Variants in ZNF804B observed in about 807,000 individuals in gnomAD.
The protein encoded by ZNF804B is zinc finger 804B.
Under a neutral mutation model 101.4 loss-of-function variants are expected in ZNF804B, and 80 were observed. The observed-to-expected ratio is 0.79, with a 90% CI of 0.66 to 0.95. ZNF804B has a LOEUF of 0.95. Among genes scored for constraint, ZNF804B ranks in the 40% least tolerant of loss-of-function variants. The probability of loss-of-function intolerance (pLI) is 0.00; values close to 1 mark genes in which losing one functional copy is unlikely to be tolerated. For synonymous variants in ZNF804B, 622 were observed against 558.8 expected (o/e 1.11, Z -1.59); for missense variants, 1,673 against 1,561.9 (o/e 1.07, Z -1.20).
At chr7:89,299,438 T>A (rs574381580) in intron 2 of ZNF804B, among the ~76,000 whole-genome samples, 1 of 152,124 alleles carries the variant, frequency 6.6e-6, no homozygotes, top group Non-Finnish European at 1.5e-5. Context: ...TTGATGTTTA[T>A]AATGAAAATA....
At chr7:88,768,076 T>C (rs1420012485) in intron 1 of ZNF804B, among the ~76,000 whole-genome samples, 17 of 152,176 alleles carry the variant, frequency 1.1e-4, no homozygotes, top group Non-Finnish European at 2.5e-4. Context: ...TTTTACTCAA[T>C]AAATATCTGT....
intron 1 of ZNF804B, among the ~76,000 whole-genome samples, chr7:88,964,231 A>C (rs1793426281): frequency 6.6e-6 from 1 of 151,414 alleles, no homozygotes; most frequent in South Asian, 2.1e-4. Context: ...TTTTACACCA[A>C]TTTTCATAGC....
rs144717618 is a variant in ZNF804B, at chr7:88,860,191, T to G, written c.108+100107T>G. ...AAAGAAAATGCTCTTGCTCAGAGTATTACAATATAAAATATTGTAGAGGGC... is the reference window on the plus strand; with the variant it reads ...AAAGAAAATGCTCTTGCTCAGAGTAGTACAATATAAAATATTGTAGAGGGC... On this transcript the variant is annotated intron_variant, in intron 1 of 3. Transcript: ENST00000333190. 5.0e-3 allele frequency among the ~76,000 whole-genome samples: 756 copies of G among 152,148 alleles called. 11 individuals carry two copies. Among genetic ancestry groups the G allele is most frequent in the African/African-American group, 0.017 (725 of 41,572 alleles).
chr7:88,864,391 A>G (rs1332856262), intron 1 of ZNF804B, among the ~76,000 whole-genome samples: 1 of 152,156 alleles, frequency 6.6e-6, no homozygotes, highest in Non-Finnish European at 1.5e-5. Flanking sequence ...CTTAAATGGT[A>G]ATGTGGTTAT....
Position 89,336,243 on chromosome 7 carries a change from T to G in ZNF804B, c.3261T>G (p.Asp1087Glu). Residue 1087 changes from aspartate to glutamate, a missense_variant, in exon 4 of 4, where the codon GAT becomes GAG. By Grantham distance (45) the Asp-to-Glu change is conservative. Coordinates refer to ENST00000333190, the MANE Select transcript of ZNF804B (RefSeq NM_181646.5). ...CTAATAAATATACTGGTGTGACTGA[T>G]TCAACAGAGACCCAAGAAGACCAAA... ...FPSNKYTGVTDSTETQEDQIN... is the reference protein window; with the variant it reads ...FPSNKYTGVTESTETQEDQIN... 1 of 1,613,876 alleles carries G rather than the reference T, an allele frequency of 6.2e-7. No individual in the cohort carries two copies. The highest frequency in any genetic ancestry group is 8.5e-7 in the Non-Finnish European group (1 of 1,179,968).
intron 2 of ZNF804B, among the ~76,000 whole-genome samples, chr7:89,276,746 A>G (rs756637287): frequency 2.6e-5 from 4 of 151,896 alleles, no homozygotes; most frequent in Non-Finnish European, 5.9e-5. Flanking sequence ...AAATAACATT[A>G]AAATTAATTT....
chr7:89,220,499 A>G (rs2115708572), intron 2 of ZNF804B, among the ~76,000 whole-genome samples: 1 of 152,058 alleles, frequency 6.6e-6, no homozygotes, highest in South Asian at 2.1e-4. Flanking sequence ...GCTATCACCC[A>G]ACTTCAATGA....
intron 1 of ZNF804B, among the ~76,000 whole-genome samples, chr7:89,215,309 T>C (rs1788872778): frequency 6.6e-6 from 1 of 152,220 alleles, no homozygotes; most frequent in Admixed American, 6.5e-5. Context: ...AATTTTGAAT[T>C]AAGAATCATC....
intron 1 of ZNF804B, among the ~76,000 whole-genome samples, chr7:89,173,963 A>G (rs1412253714): frequency 6.6e-6 from 1 of 152,116 alleles, no homozygotes; most frequent in Non-Finnish European, 1.5e-5. Flanking sequence ...ACAGGTACTT[A>G]GTAGGTATAT....
At chr7:89,275,994 A>G (rs1789974603) in intron 2 of ZNF804B, among the ~76,000 whole-genome samples, 1 of 152,062 alleles carries the variant, frequency 6.6e-6, no homozygotes, top group Admixed American at 6.5e-5. Flanking sequence ...AGCCATAAAA[A>G]GGAATGAGAG....
chr7:89,281,921 A>G (rs570414844), intron 2 of ZNF804B, among the ~76,000 whole-genome samples: 1 of 152,294 alleles, frequency 6.6e-6, no homozygotes, highest in East Asian at 1.9e-4. Flanking sequence ...AGGCTTTCCC[A>G]CAGTAGAAAG....
At chr7:88,807,632 G>A (rs1387516296) in intron 1 of ZNF804B, among the ~76,000 whole-genome samples, 3 of 152,056 alleles carry the variant, frequency 2.0e-5, no homozygotes, top group Non-Finnish European at 4.4e-5. Context: ...GGGTGCCAGT[G>A]TCTTTTTATT....
chr7:89,121,968 G>A (rs1447363789), intron 1 of ZNF804B, among the ~76,000 whole-genome samples: 1 of 151,952 alleles, frequency 6.6e-6, no homozygotes, highest in Non-Finnish European at 1.5e-5. Flanking sequence ...GTGTTTATTA[G>A]AAGATTAGTA....
At chr7:88,969,005 C>G (rs1330320883) in intron 1 of ZNF804B, among the ~76,000 whole-genome samples, 1 of 151,460 alleles carries the variant, frequency 6.6e-6, no homozygotes. Flanking sequence ...ATTACTTTCT[C>G]TCTGTCAACT....
intron 1 of ZNF804B, among the ~76,000 whole-genome samples, chr7:89,216,576 T>C (rs754904928): frequency 1.8e-4 from 27 of 152,210 alleles, no homozygotes; most frequent in South Asian, 4.1e-4. Flanking sequence ...AAATTCTTAC[T>C]TTAACTCTCT....
At chr7:89,070,347 A>G (rs2116296075) in intron 1 of ZNF804B, among the ~76,000 whole-genome samples, 1 of 152,270 alleles carries the variant, frequency 6.6e-6, no homozygotes, top group East Asian at 1.9e-4. Flanking sequence ...GCAGGGACAC[A>G]CTCAGAATGA....
At chr7:88,918,063 T>A (rs1792661577) in intron 1 of ZNF804B, among the ~76,000 whole-genome samples, 1 of 152,136 alleles carries the variant, frequency 6.6e-6, no homozygotes, top group Non-Finnish European at 1.5e-5. Flanking sequence ...GAAACTTGAG[T>A]AATAAAAGAG....
At chr7:88,804,455 A>T (rs1790655062) in intron 1 of ZNF804B, among the ~76,000 whole-genome samples, 6 of 152,178 alleles carry the variant, frequency 3.9e-5, no homozygotes, top group Admixed American at 3.9e-4. Context: ...GAGACTACAT[A>T]TAACACTAAA....
chr7:89,151,517 T>C (rs1790875839), intron 1 of ZNF804B, among the ~76,000 whole-genome samples: 1 of 152,122 alleles, frequency 6.6e-6, no homozygotes, highest in African/African-American at 2.4e-5. Flanking sequence ...TTTGTTTCAC[T>C]GAGAAGAGAG....
Sources: gnomAD v4.1 joint callset for allele counts (sites outside exome capture counted in the v4.1 genomes callset) on GRCh38, gnomAD v4.1.1 for gene constraint, MANE v1.5 for transcripts, NCBI Gene and HGNC (gene_info 2026-07-23, HGNC 2026-07-21) for gene names.